Variants in TTC17 observed in about 807,000 individuals in gnomAD.
The protein encoded by TTC17 is tetratricopeptide repeat domain 17.
A neutral mutation model predicts 143.8 loss-of-function variants in TTC17; 58 were observed. The observed-to-expected ratio is 0.40, with a 90% confidence interval of 0.33 to 0.50. The LOEUF (loss-of-function observed/expected upper bound fraction) is 0.50. Ranked by LOEUF, TTC17 falls within the 20% of genes least tolerant of loss-of-function variation. The pLI, the probability that TTC17 is intolerant of heterozygous loss-of-function variation, is 0.49. For missense variants in TTC17, 1,273 were observed against 1,392.5 expected (o/e 0.91, Z 1.37); for synonymous variants, 501 against 497.8 (o/e 1.01, Z -0.09).
intron 1 of TTC17, among the ~76,000 whole-genome samples, chr11:43,369,867 T>C (rs1856495771): frequency 6.6e-6 from 1 of 152,130 alleles, no homozygotes; most frequent in South Asian, 2.1e-4. Context: ...TCTCCCGCCT[T>C]GGCCTCCCAA....
At chr11:43,395,156 A>G (rs1299973257) in intron 5 of TTC17, among the ~76,000 whole-genome samples, 1 of 141,020 alleles carries the variant, frequency 7.1e-6, no homozygotes, top group Non-Finnish European at 1.5e-5. Context: ...GCTGGAGTGC[A>G]GTGGCGCAAT....
At position 43,436,201 on chromosome 11, in the gene TTC17, C is replaced by G. The variant is rs181292397; in HGVS notation, c.2252-7124C>G. 2.2e-4 allele frequency: 313 copies of G among 1,454,994 alleles called. No individual in the cohort carries two copies. The African/African-American group carries it at 4.1e-3, about 19-fold the overall frequency. The allele number at this position is 1,454,994 out of a possible 1,614,324, so 90.1% of individuals were successfully genotyped here. A position where few individuals can be genotyped will look rare whatever the true frequency, so the allele number is the denominator to read the frequency against. ...AGAAAACCCTGGACAACAGCCATGACAAACAGAAATATTTTGACAACTCAC... is the reference window on the plus strand; with the variant it reads ...AGAAAACCCTGGACAACAGCCATGAGAAACAGAAATATTTTGACAACTCAC... On this transcript the variant is annotated intron_variant, in intron 16 of 23. Coordinates refer to ENST00000039989, the MANE Select transcript of TTC17 (RefSeq NM_018259.6).
At chr11:43,361,271 A>C (rs1197629646) in intron 1 of TTC17, among the ~76,000 whole-genome samples, 4 of 152,240 alleles carry the variant, frequency 2.6e-5, no homozygotes, top group African/African-American at 9.7e-5. Flanking sequence ...TTGAAAGATC[A>C]CATTAGTGTA....
intron 16 of TTC17, among the ~76,000 whole-genome samples, chr11:43,415,804 G>T (rs1048935305): frequency 6.6e-6 from 1 of 152,060 alleles, no homozygotes; most frequent in African/African-American, 2.4e-5. Context: ...AAGAAACCAA[G>T]AATCTCCCAG....
At chr11:43,467,684 T>C (rs1319030245) in intron 21 of TTC17, among the ~76,000 whole-genome samples, 1 of 152,044 alleles carries the variant, frequency 6.6e-6, no homozygotes, top group African/African-American at 2.4e-5. Context: ...AGTAGAACAG[T>C]AGAACAGATG....
Position 43,384,738 on chromosome 11 carries a change from A to G in TTC17, c.250-4914A>G, listed in dbSNP as rs140148292. Among the ~76,000 whole-genome samples, 1,309 of 152,374 alleles carry G rather than the reference A, an allele frequency of 8.6e-3. 12 individuals carry two copies. The highest frequency in any genetic ancestry group is 0.02 in the Middle Eastern group (6 of 294). ...CATTCTACTTCTCAGGGCTATTTCA[A>G]ACTCTACAATCAGATACATTAATAT... On this transcript the variant is annotated intron_variant, in intron 2 of 23. Transcript: ENST00000039989.
intron 16 of TTC17, among the ~76,000 whole-genome samples, chr11:43,435,841 G>C (rs1054300371): frequency 6.6e-6 from 1 of 152,168 alleles, no homozygotes; most frequent in African/African-American, 2.4e-5. Context: ...GCTTTTTGAT[G>C]ATATTTCTAA....
At chr11:43,383,281 A>G (rs1857043827) in intron 2 of TTC17, among the ~76,000 whole-genome samples, 2 of 152,196 alleles carry the variant, frequency 1.3e-5, no homozygotes, top group East Asian at 1.9e-4. Flanking sequence ...GATGTAAGAG[A>G]CAAATCAACC....
At chr11:43,458,443 A>C (rs1947804753) in intron 21 of TTC17, among the ~76,000 whole-genome samples, 1 of 152,230 alleles carries the variant, frequency 6.6e-6, no homozygotes, top group Non-Finnish European at 1.5e-5. Flanking sequence ...CTCATAGAGC[A>C]TCATTTCAAC....
At chr11:43,374,547 A>G (rs974670858) in intron 1 of TTC17, among the ~76,000 whole-genome samples, 1 of 152,174 alleles carries the variant, frequency 6.6e-6, no homozygotes, top group Non-Finnish European at 1.5e-5. Flanking sequence ...CAGAATCTAT[A>G]AGGAACTTAA....
chr11:43,443,358 A>G lies in TTC17; in HGVS notation c.2285A>G (p.Glu762Gly). 6.2e-7 allele frequency: 1 copy of G among 1,614,124 alleles called. No individual in the cohort carries two copies. Among genetic ancestry groups the G allele is most frequent in the Non-Finnish European group, 8.5e-7 (1 of 1,179,994 alleles). Residue 762 changes from glutamate (E) to glycine (G), a missense_variant, in exon 17 of 24, where the codon GAG (glutamate) becomes GGG (glycine). By Grantham distance (98) the Glu-to-Gly change is moderately conservative. This residue lies in a region of TTC17 where 878 missense variants were observed against 899.8 expected (regional missense o/e 0.98). Transcript: ENST00000039989. Reference sequence around the variant, plus strand: ...GTTGAGGAGAGCAATGGTTCTGATGAGATGGAGAATTCAGATGAAACCAAA... The same window carrying G: ...GTTGAGGAGAGCAATGGTTCTGATGGGATGGAGAATTCAGATGAAACCAAA... ...TVVEESNGSD[E>G]MENSDETKMS...
At chr11:43,402,574 A>C (rs1207898038) in intron 10 of TTC17, among the ~76,000 whole-genome samples, 1 of 148,740 alleles carries the variant, frequency 6.7e-6, no homozygotes, top group Non-Finnish European at 1.5e-5. Context: ...TTCTGAGTAT[A>C]AAAAAAAAAG....
chr11:43,462,494 G>A (rs1947887609), intron 21 of TTC17, among the ~76,000 whole-genome samples: 1 of 152,226 alleles, frequency 6.6e-6, no homozygotes, highest in Non-Finnish European at 1.5e-5. Context: ...CGAGAAACCA[G>A]AAGAGGGAAG....
At chr11:43,359,214 A>C (rs2134415429) in intron 1 of TTC17, 101 bp downstream of exon 1, 1 of 1,389,082 alleles carries the variant, frequency 7.2e-7, no homozygotes, top group East Asian at 3.0e-5. Context: ...CCCCGCCCCC[A>C]GCCTACCCTC....
At position 43,494,602 on chromosome 11, in the gene TTC17, T is replaced by C. The variant is rs976158411; in HGVS notation, c.*698T>C. The C allele has an allele frequency of 3.9e-5, 6 of 152,228 alleles. No individual in the cohort carries two copies. Among genetic ancestry groups the C allele is most frequent in the African/African-American group, 1.4e-4 (6 of 41,452 alleles). The allele number at this position is 152,228 out of a possible 1,614,324, so 9.4% of individuals were successfully genotyped here. A position where few individuals can be genotyped will look rare whatever the true frequency, so the allele number is the denominator to read the frequency against. ...TGCAACATCTTTATAATTTGTACTTTAATTACAAATCACAAGGAAACCAAT... is the reference window on the plus strand; with the variant it reads ...TGCAACATCTTTATAATTTGTACTTCAATTACAAATCACAAGGAAACCAAT... On this transcript the variant is annotated 3_prime_UTR_variant, in exon 24 of 24. Transcript: ENST00000039989.
chr11:43,427,557 A>G (rs1367906392), intron 16 of TTC17, among the ~76,000 whole-genome samples: 1 of 152,038 alleles, frequency 6.6e-6, no homozygotes, highest in African/African-American at 2.4e-5. Flanking sequence ...CTGCAGCTCT[A>G]TCCCATAACT....
chr11:43,446,250 T>A lies in TTC17; in HGVS notation c.2666-1752T>A, dbSNP rs1349760722. 6.2e-5 allele frequency: 68 copies of A among 1,088,578 alleles called. No homozygotes were observed. The East Asian group carries it at 2.3e-3, about 37-fold the overall frequency. The allele number at this position is 1,088,578 out of a possible 1,614,324, so 67.4% of individuals were successfully genotyped here. On this transcript the variant is annotated intron_variant, in intron 18 of 23. Coordinates refer to ENST00000039989, the MANE Select transcript of TTC17 (RefSeq NM_018259.6). Reference sequence around the variant, plus strand: ...CTCTGCCCTCTGCCGTGCTAAAATATCACTCATCCTTAAACTTCAAAATCA... The same window carrying A: ...CTCTGCCCTCTGCCGTGCTAAAATAACACTCATCCTTAAACTTCAAAATCA...
intron 21 of TTC17, among the ~76,000 whole-genome samples, chr11:43,455,357 A>G (rs1947743422): frequency 6.6e-6 from 1 of 152,000 alleles, no homozygotes; most frequent in Non-Finnish European, 1.5e-5. Flanking sequence ...AAGCAAAAGA[A>G]TTAACAAAGA....
intron 1 of TTC17, among the ~76,000 whole-genome samples, chr11:43,376,761 T>C (rs977589941): frequency 4.6e-5 from 7 of 152,188 alleles, no homozygotes; most frequent in South Asian, 2.1e-4. Flanking sequence ...TAAACACTTA[T>C]TGGTTGAATG....
Sources: gnomAD v4.1 joint callset for allele counts (sites outside exome capture counted in the v4.1 genomes callset) on GRCh38, gnomAD v4.1.1 for gene constraint, gnomAD v4.1.1 regional missense constraint, MANE v1.5 for transcripts, NCBI Gene and HGNC (gene_info 2026-07-23, HGNC 2026-07-21) for gene names.